DPYD: variants seen among roughly 807,000 people sequenced by gnomAD.
DPYD encodes dihydropyrimidine dehydrogenase, also known as dihydropyrimidine dehydrogenase [NADP(+)].
A neutral mutation model predicts 116.2 loss-of-function variants in DPYD; 109 were observed. The ratio of observed to expected loss-of-function variants is 0.94; its 90% CI spans 0.80 to 1.10. The LOEUF is 1.10. Ranked by LOEUF, DPYD falls within the 50% of genes least tolerant of loss-of-function variation. The probability of loss-of-function intolerance (pLI) is 0.00; values close to 1 mark genes in which losing one functional copy is unlikely to be tolerated. For missense variants in DPYD, 1,302 were observed against 1,254.5 expected, an observed-to-expected ratio of 1.04 and a Z score of -0.57; for synonymous variants, 440 against 432.0, an observed-to-expected ratio of 1.02 and a Z score of -0.23.
chr1:97,315,522 T>G (rs1667779414), intron 16 of DPYD, among the ~76,000 whole-genome samples: 3 of 151,928 alleles, frequency 2.0e-5, no homozygotes, highest in Non-Finnish European at 4.4e-5. Flanking sequence ...CCCTCCTAAC[T>G]CCCTCTCTGT....
chr1:97,266,467 C>T (rs1006410212), intron 18 of DPYD, among the ~76,000 whole-genome samples: 6 of 152,244 alleles, frequency 3.9e-5, no homozygotes, highest in Admixed American at 1.3e-4. Flanking sequence ...TCTTAATCTG[C>T]TGTATGCTGC....
At chr1:97,669,509 A>G (rs1659744464) in intron 8 of DPYD, among the ~76,000 whole-genome samples, 1 of 152,256 alleles carries the variant, frequency 6.6e-6, no homozygotes, top group South Asian at 2.1e-4. Context: ...CTGAAGAAAA[A>G]CTGATTTGAT....
At chr1:97,574,371 C>T (rs1653125350) in intron 10 of DPYD, among the ~76,000 whole-genome samples, 1 of 152,022 alleles carries the variant, frequency 6.6e-6, no homozygotes, top group Non-Finnish European at 1.5e-5. Flanking sequence ...AGGTTGCATA[C>T]ATCCAAGCTG....
chr1:97,118,569 G>GTTTA (rs1416038757), intron 20 of DPYD, among the ~76,000 whole-genome samples: 5 of 152,156 alleles, frequency 3.3e-5, no homozygotes, highest in Non-Finnish European at 5.9e-5. Context: ...CTGCATTGCT[G>GTTTA]TTTAAGTGCC....
rs1243836762 is a variant in DPYD, at chr1:97,775,196, TG to T, written c.234-34718del. 2.6e-5 allele frequency among the ~76,000 whole-genome samples: 4 copies of T among 152,198 alleles called. No individual in the cohort carries two copies. The South Asian group carries it at 8.3e-4, about 31-fold the overall frequency. ...TTTTTTTCCTAATAGGTTAGATAAA[TG>T]GTATATTTTCTGAACCCCTGAATGT... is the stretch of plus-strand genomic sequence containing the variant. On this transcript the variant is annotated intron_variant, in intron 3 of 22. Coordinates refer to ENST00000370192, the MANE Select transcript of DPYD (RefSeq NM_000110.4).
At chr1:97,338,555 G>T (rs1010058407) in intron 16 of DPYD, among the ~76,000 whole-genome samples, 2 of 152,188 alleles carry the variant, frequency 1.3e-5, no homozygotes, top group Non-Finnish European at 2.9e-5. Context: ...TCAGGAGGTT[G>T]CCTCATGCGG....
At position 97,433,189 on chromosome 1, in the gene DPYD, C is replaced by A. The variant is rs60858546; in HGVS notation, c.1905+16870G>T. On this transcript the variant is annotated intron_variant, in intron 14 of 22. Coordinates refer to ENST00000370192, the MANE Select transcript of DPYD (RefSeq NM_000110.4). ...TTTCCCTGCCTTAGCCTTCAGCAGA[C>A]CTCTTTTAACTGGAGGAGGCCCTGC... Among the ~76,000 whole-genome samples, 1,095 of 152,262 alleles carry A rather than the reference C, an allele frequency of 7.2e-3. 13 individuals carry two copies. The highest frequency in any genetic ancestry group is 0.025 in the African/African-American group (1,044 of 41,540).
chr1:97,359,737 C>A (rs1170933750), intron 16 of DPYD, among the ~76,000 whole-genome samples: 1 of 152,106 alleles, frequency 6.6e-6, no homozygotes, highest in Non-Finnish European at 1.5e-5. Flanking sequence ...GAAATAAAAT[C>A]CTTTACAGAC....
Position 97,079,135 on chromosome 1 carries a change from A to G in DPYD, c.2919T>C (p.Phe973=). ...CNDSGYQAIQ[F]DPETHLPTIT... is the part of the protein sequence containing the mutation. Reference sequence around the variant, plus strand: ...TGGTGGGCAGGTGGGTTTCTGGATCAAACTGTATAGCCTGCAAACAGAAAT... The same window carrying G: ...TGGTGGGCAGGTGGGTTTCTGGATCGAACTGTATAGCCTGCAAACAGAAAT... The change falls in exon 23 of 23, where the codon TTT becomes TTC. Residue 973 remains phenylalanine, a synonymous_variant. Transcript: ENST00000370192. The G allele has an allele frequency of 6.2e-7, 1 of 1,613,478 alleles. No homozygotes were observed.
chr1:97,675,908 C>G (rs1047048990), intron 8 of DPYD, among the ~76,000 whole-genome samples: 6 of 151,910 alleles, frequency 3.9e-5, no homozygotes, highest in Non-Finnish European at 4.4e-5. Context: ...ACCACCACAC[C>G]CAGCTAATTT....
At chr1:97,712,248 A>T (rs1222730353) in intron 5 of DPYD, among the ~76,000 whole-genome samples, 1 of 151,934 alleles carries the variant, frequency 6.6e-6, no homozygotes, top group African/African-American at 2.4e-5. Context: ...CTTTTCATTT[A>T]TTCGTATCTC....
At chr1:97,883,222 G>C (rs1672315807) in intron 2 of DPYD, 42 bp downstream of exon 2, 2 of 1,336,816 alleles carry the variant, frequency 1.5e-6, no homozygotes, top group African/African-American at 2.9e-5. Flanking sequence ...TGTGTGGAGT[G>C]AGGTAATTTT....
chr1:97,349,640 T>C (rs1670037716), intron 16 of DPYD, among the ~76,000 whole-genome samples: 1 of 152,160 alleles, frequency 6.6e-6, no homozygotes, highest in Non-Finnish European at 1.5e-5. Flanking sequence ...AATGATGGCT[T>C]CCAGGTTCAT....
intron 18 of DPYD, among the ~76,000 whole-genome samples, chr1:97,254,790 C>A (rs1165067403): frequency 6.6e-6 from 1 of 152,072 alleles, no homozygotes; most frequent in Admixed American, 6.6e-5. Flanking sequence ...ATGTCATAAG[C>A]CATTTATTTC....
intron 14 of DPYD, among the ~76,000 whole-genome samples, chr1:97,436,148 C>A (rs930666429): frequency 6.6e-6 from 1 of 151,858 alleles, no homozygotes; most frequent in East Asian, 1.9e-4. Context: ...CTTCTTTCCC[C>A]AGCCCTTTAA....
At chr1:97,157,272 T>C (rs1446851807) in intron 20 of DPYD, among the ~76,000 whole-genome samples, 3 of 151,690 alleles carry the variant, frequency 2.0e-5, no homozygotes, top group Admixed American at 6.6e-5. Flanking sequence ...ATAATAATAA[T>C]AAAATAAAAT....
intron 13 of DPYD, among the ~76,000 whole-genome samples, chr1:97,471,594 C>CT (rs368888805): frequency 0.18 from 25,494 of 142,508 alleles, 2,331 homozygotes; most frequent in African/African-American, 0.2. Flanking sequence ...TCCCACTTTC[C>CT]TTTTTTTTTT....
chr1:97,777,317 CT>C (rs1400481900), intron 3 of DPYD, among the ~76,000 whole-genome samples: 1 of 152,194 alleles, frequency 6.6e-6, no homozygotes, highest in East Asian at 1.9e-4. Context: ...TATCCATTCA[CT>C]TATGAGCAAC....
chr1:97,138,641 TA>T (rs1249406350), intron 20 of DPYD, among the ~76,000 whole-genome samples: 1 of 152,116 alleles, frequency 6.6e-6, no homozygotes, highest in Non-Finnish European at 1.5e-5. Flanking sequence ...AAAATGTTCA[TA>T]AAGGTTGGGT....
Sources: gnomAD v4.1 joint callset for allele counts (sites outside exome capture counted in the v4.1 genomes callset) on GRCh38, gnomAD v4.1.1 for gene constraint, MANE v1.5 for transcripts, NCBI Gene and HGNC (gene_info 2026-07-23, HGNC 2026-07-21) for gene names.